Variants in IL31RA observed in about 807,000 individuals in gnomAD.
IL31RA encodes the protein interleukin-31 receptor subunit alpha.
IL31RA carries 66 observed loss-of-function variants against 83.7 expected under a neutral mutation model. The ratio of observed to expected loss-of-function variants is 0.79; its 90% confidence interval spans 0.65 to 0.97. The LOEUF (loss-of-function observed/expected upper bound fraction) is 0.97. Among genes scored for constraint, IL31RA ranks in the 50% least tolerant of loss-of-function variants. The pLI is 0.00. For synonymous variants in IL31RA, 325 were observed against 329.0 expected (o/e 0.99, Z 0.13); for missense variants, 798 against 919.4 (o/e 0.87, Z 1.71).
chr5:55,876,883 T>G (rs1021169690), intron 4 of IL31RA, among the ~76,000 whole-genome samples: 4 of 152,186 alleles, frequency 2.6e-5, no homozygotes, highest in Non-Finnish European at 5.9e-5. Flanking sequence ...GCATAAGCCC[T>G]TGTGCCCAGC....
At chr5:55,853,874 C>T (rs1745202605) in intron 1 of IL31RA, among the ~76,000 whole-genome samples, 1 of 152,112 alleles carries the variant, frequency 6.6e-6, no homozygotes, top group Non-Finnish European at 1.5e-5. Context: ...GAGGAAAATC[C>T]TTGTGTGTAC....
chr5:55,867,017 A>G (rs1365867332), intron 2 of IL31RA, among the ~76,000 whole-genome samples: 1 of 152,208 alleles, frequency 6.6e-6, no homozygotes, highest in Non-Finnish European at 1.5e-5. Context: ...AGAAGTTAGT[A>G]TAAGCCTCAG....
intron 8 of IL31RA, among the ~76,000 whole-genome samples, chr5:55,905,200 C>CAAAA (rs34211603): frequency 2.8e-5 from 2 of 72,568 alleles, no homozygotes; most frequent in Admixed American, 1.7e-4. Flanking sequence ...GACTCTGCCT[C>CAAAA]AAAAAAAAAA....
At chr5:55,899,815 G>A in intron 7 of IL31RA, 101 bp from the exon 8 acceptor site, 1 of 779,876 alleles carries the variant, frequency 1.3e-6, no homozygotes, top group South Asian at 1.4e-5. Flanking sequence ...GTATCTAATA[G>A]TTAGCCTTAT....
At chr5:55,877,996 C>T (rs1300080358) in intron 4 of IL31RA, among the ~76,000 whole-genome samples, 3 of 152,136 alleles carry the variant, frequency 2.0e-5, no homozygotes, top group African/African-American at 4.8e-5. Context: ...CCACAGCTCC[C>T]TTAGACTCTG....
At position 55,890,090 on chromosome 5, in the gene IL31RA, T is replaced by TGGAGTG; in HGVS notation, c.728_733dup (p.Ser244_Asp245insGlySer). 6.2e-7 allele frequency: 1 copy of TGGAGTG among 1,613,912 alleles called. No individual in the cohort carries two copies. Among genetic ancestry groups the TGGAGTG allele is most frequent in the Non-Finnish European group, 8.5e-7 (1 of 1,179,844 alleles). Reference sequence around the variant, plus strand: ...ATGTGCGGTCAAGGAGTCAAAGTTCTGGAGTGACTGGAGCCAAGAAAAAAT... The same window carrying TGGAGTG: ...ATGTGCGGTCAAGGAGTCAAAGTTCTGGAGTGGGAGTGACTGGAGCCAAGAAAAAAT... On this transcript the variant is annotated inframe_insertion, in exon 6 of 15. Coordinates refer to ENST00000652347, the MANE Select transcript of IL31RA (RefSeq NM_139017.7).
In IL31RA at chr5:55,910,421, A is replaced by G. The variant is rs529341922; in HGVS notation, c.1502-111A>G. On this transcript the variant is annotated intron_variant, in intron 11 of 14. Coordinates refer to ENST00000652347, the MANE Select transcript of IL31RA (RefSeq NM_139017.7). ...GGACATGAATAGGGGTCAGAATATG[A>G]GACAGCTGAGCTTGGAAGCACAGGT... 2.5e-6 allele frequency: 3 copies of G among 1,196,282 alleles called. No homozygotes were observed. The East Asian group carries it at 7.1e-5, about 28-fold the overall frequency. The allele number at this position is 1,196,282 out of a possible 1,614,324, so 74.1% of individuals were successfully genotyped here.
rs577032746 is a variant in IL31RA at position 55,898,046 on chromosome 5, G to C, written c.852+1617G>C. ...CCTGGGTTGCGGAGGCGGTGCTGCC[G>C]CCGCATGGGACAACAGCCAGAGATG... On this transcript the variant is annotated intron_variant, in intron 7 of 14. Transcript: ENST00000652347. Among the ~76,000 whole-genome samples the C allele has an allele frequency of 1.9e-3, 296 of 152,304 alleles. 7 individuals are homozygous for C. The highest frequency in any genetic ancestry group is 4.7e-4 in the Non-Finnish European group (32 of 68,020).
chr5:55,902,857 A>T (rs2112539407), intron 8 of IL31RA, among the ~76,000 whole-genome samples: 1 of 152,338 alleles, frequency 6.6e-6, no homozygotes, highest in South Asian at 2.1e-4. Context: ...CATGATGTAG[A>T]TGCTGTGAGA....
chr5:55,868,403 G>C (rs1032365304), intron 2 of IL31RA, among the ~76,000 whole-genome samples: 3 of 152,184 alleles, frequency 2.0e-5, no homozygotes, highest in Non-Finnish European at 4.4e-5. Context: ...GTGTGGCATG[G>C]TTGTATTCTT....
intron 1 of IL31RA, among the ~76,000 whole-genome samples, chr5:55,856,802 G>T (rs1247470673): frequency 6.6e-6 from 1 of 152,166 alleles, no homozygotes; most frequent in Non-Finnish European, 1.5e-5. Context: ...GATAAAAACT[G>T]CCAACTTCTG....
In IL31RA at chr5:55,910,519, A is replaced by G; in HGVS notation, c.1502-13A>G. 6.2e-7 allele frequency: 1 copy of G among 1,613,870 alleles called. No homozygotes were observed. Among genetic ancestry groups the G allele is most frequent in the South Asian group, 1.1e-5 (1 of 91,066 alleles). On this transcript the variant is annotated splice_polypyrimidine_tract_variant and intron_variant, in intron 11 of 14. Transcript: ENST00000652347. ...TTTGGCTGTGGTGTTTGACCTTTGT[A>G]TTTTTCCTTTAGCCAAGACAGTCAA...
intron 5 of IL31RA, among the ~76,000 whole-genome samples, chr5:55,883,839 G>C (rs1222183185): frequency 6.6e-6 from 1 of 152,206 alleles, no homozygotes. Context: ...AGTAGAAATA[G>C]AGGAGGAGCA....
Position 55,919,247 on chromosome 5 carries a change from G to T in IL31RA, c.*2127G>T, listed in dbSNP as rs1438668583. ...AGTTGGGGGAATTTTCTCAAATTCTGTGGGAGGTGGGTGAGAGGAGAGCCT... is the reference window on the plus strand; with the variant it reads ...AGTTGGGGGAATTTTCTCAAATTCTTTGGGAGGTGGGTGAGAGGAGAGCCT... On this transcript the variant is annotated 3_prime_UTR_variant, in exon 15 of 15. Coordinates refer to ENST00000652347, the MANE Select transcript of IL31RA (RefSeq NM_139017.7). 2.6e-5 allele frequency among the ~76,000 whole-genome samples: 4 copies of T among 152,304 alleles called. No homozygotes were observed. The highest frequency in any genetic ancestry group is 6.5e-5 in the Admixed American group (1 of 15,306).
At chr5:55,899,432 C>T (rs939640256) in intron 7 of IL31RA, among the ~76,000 whole-genome samples, 8 of 152,148 alleles carry the variant, frequency 5.3e-5, no homozygotes, top group Non-Finnish European at 1.2e-4. Context: ...CTGGCTGGGG[C>T]GCCTGGTCCA....
intron 4 of IL31RA, 139 bp from the exon 5 acceptor site, chr5:55,882,905 G>C (rs1747330870): frequency 1.3e-6 from 1 of 758,054 alleles, no homozygotes; most frequent in East Asian, 2.6e-5. Context: ...CATTCCTTTT[G>C]TACTGCCTTG....
In IL31RA at chr5:55,907,480, T is replaced by C. The variant is rs1234205655; in HGVS notation, c.1354+20T>C. The C allele has an allele frequency of 2.6e-6, 4 of 1,521,966 alleles. No individual in the cohort carries two copies. The highest frequency in any genetic ancestry group is 3.7e-6 in the Non-Finnish European group (4 of 1,095,878). 94.3% of individuals were successfully genotyped at this position (1,521,966 alleles called of 1,614,324 possible). A position where few individuals can be genotyped will look rare whatever the true frequency, so the allele number is the denominator to read the frequency against. Reference sequence around the variant, plus strand: ...AAGGCGGTATGAATGGACAAGACCCTGTGGGGAAAAGGAAACAGTGTGACC... The same window carrying C: ...AAGGCGGTATGAATGGACAAGACCCCGTGGGGAAAAGGAAACAGTGTGACC... On this transcript the variant is annotated intron_variant, in intron 10 of 14. Coordinates refer to ENST00000652347, the MANE Select transcript of IL31RA (RefSeq NM_139017.7).
intron 3 of IL31RA, among the ~76,000 whole-genome samples, chr5:55,871,223 C>G (rs1746485545): frequency 6.6e-6 from 1 of 151,504 alleles, no homozygotes; most frequent in Non-Finnish European, 1.5e-5. Flanking sequence ...TGCTTATAAC[C>G]ACGACACATT....
At chr5:55,877,508 C>G (rs1746931089) in intron 4 of IL31RA, among the ~76,000 whole-genome samples, 1 of 152,208 alleles carries the variant, frequency 6.6e-6, no homozygotes, top group Admixed American at 6.5e-5. Context: ...CTCCTTTTAG[C>G]ATTTCTTATA....
Sources: gnomAD v4.1 joint callset for allele counts (sites outside exome capture counted in the v4.1 genomes callset) on GRCh38, gnomAD v4.1.1 for gene constraint, MANE v1.5 for transcripts, NCBI Gene and HGNC (gene_info 2026-07-23, HGNC 2026-07-21) for gene names.